Variants in PCM1 observed in about 807,000 individuals in gnomAD.
The protein encoded by PCM1 is pericentriolar material 1 protein.
A neutral mutation model predicts 241.9 loss-of-function variants in PCM1; 157 were observed. The ratio of observed to expected loss-of-function variants is 0.65; its 90% CI spans 0.57 to 0.74. The LOEUF is 0.74. Ranked by LOEUF, PCM1 falls within the 30% of genes least tolerant of loss-of-function variation. PCM1 has a pLI of 0.00. For synonymous variants in PCM1, 1,085 were observed against 784.9 expected (o/e 1.38, Z -6.39); for missense variants, 3,478 against 2,360.1 (o/e 1.47, Z -9.81).
intron 13 of PCM1, among the ~76,000 whole-genome samples, chr8:17,959,332 T>C (rs534360137): frequency 0.034 from 269 of 7,936 alleles, no homozygotes; most frequent in African/African-American, 0.17. Context: ...TATATATATA[T>C]ACACACAGTA....
Position 17,969,687 on chromosome 8 carries a change from G to A in PCM1, c.3523G>A (p.Glu1175Lys), listed in dbSNP as rs765828341. The A allele has an allele frequency of 6.2e-7, 1 of 1,613,066 alleles. No individual in the cohort carries two copies. Among genetic ancestry groups the A allele is most frequent in the Non-Finnish European group, 8.5e-7 (1 of 1,179,306 alleles). Reference protein sequence around the residue: ...PLAQNSSGKTEYMAFPKPFES... With the variant: ...PLAQNSSGKTKYMAFPKPFES... ...AGCCCAGAATTCTTCAGGAAAAACA[G>A]AATATATGGCTTTTCCAAAACCTTT... The change falls in exon 22 of 39, where the codon GAA (glutamate) becomes AAA (lysine). Residue 1175 changes from glutamate to lysine, a missense_variant. Transcript: ENST00000325083.
chr8:18,006,962 G>C (rs1244286981), intron 30 of PCM1, among the ~76,000 whole-genome samples: 2 of 152,162 alleles, frequency 1.3e-5, no homozygotes, highest in African/African-American at 4.8e-5. Context: ...AATGGGTAGA[G>C]ACCAGGAAGA....
intron 1 of PCM1, among the ~76,000 whole-genome samples, chr8:17,924,140 T>G (rs957524310): frequency 6.6e-6 from 1 of 152,122 alleles, no homozygotes; most frequent in African/African-American, 2.4e-5. Flanking sequence ...CTCCGCCTGC[T>G]GGTGTTCTCT....
intron 11 of PCM1, among the ~76,000 whole-genome samples, 177 bp downstream of exon 11, chr8:17,956,954 G>C (rs1055185186): frequency 6.6e-6 from 1 of 152,206 alleles, no homozygotes; most frequent in Non-Finnish European, 1.5e-5. Context: ...GGGAAGTATG[G>C]AGTACAATAG....
intron 23 of PCM1, among the ~76,000 whole-genome samples, chr8:17,975,675 C>G (rs1231017188): frequency 2.0e-5 from 3 of 152,116 alleles, no homozygotes; most frequent in African/African-American, 7.2e-5. Context: ...CTGTCCCATA[C>G]TTACTAGACT....
At chr8:17,951,821 G>A (rs938191682) in intron 8 of PCM1, among the ~76,000 whole-genome samples, 1 of 152,118 alleles carries the variant, frequency 6.6e-6, no homozygotes, top group Non-Finnish European at 1.5e-5. Context: ...TAAAATAATT[G>A]ATGCAAATAT....
chr8:18,006,425 C>A, intron 30 of PCM1, 28 bp downstream of exon 30: 3 of 1,528,132 alleles, frequency 2.0e-6, no homozygotes, highest in South Asian at 1.1e-5. Flanking sequence ...TATGATTTAC[C>A]AATATGTACT....
rs749303240 is a variant in PCM1, at chr8:18,011,717, GATGAAA to G, written c.5406_5411del (p.Asn1803_Glu1804del). The stretch of plus-strand genomic sequence containing the variant: ...TTTAACTAATTATGGAAGTGGAGAA[GATGAAA>G]ATGAGGATGAAGAAATGGAAGAATT... On this transcript the variant is annotated inframe_deletion, in exon 34 of 39. Coordinates refer to ENST00000325083, the MANE Select transcript of PCM1 (RefSeq NM_006197.4). 13 of 1,613,132 alleles carry G rather than the reference GATGAAA, an allele frequency of 8.1e-6. No individual in the cohort carries two copies. Among genetic ancestry groups the G allele is most frequent in the Non-Finnish European group, 1.1e-5 (13 of 1,179,430 alleles).
At chr8:17,986,186 T>C in intron 26 of PCM1, 99 bp downstream of exon 26, 1 of 838,984 alleles carries the variant, frequency 1.2e-6, no homozygotes, top group Middle Eastern at 3.4e-4. Context: ...ACCTAATATA[T>C]TTGATTTTCA....
At chr8:17,948,133 T>G (rs1300777916) in intron 7 of PCM1, among the ~76,000 whole-genome samples, 1 of 152,120 alleles carries the variant, frequency 6.6e-6, no homozygotes, top group African/African-American at 2.4e-5. Context: ...CTTTGAGCGC[T>G]TTGTTTTTGC....
At position 17,960,139 on chromosome 8, in the gene PCM1, A is replaced by T; in HGVS notation, c.2166A>T (p.Lys722Asn). The T allele has an allele frequency of 6.3e-7, 1 of 1,583,546 alleles. No homozygotes were observed. The highest frequency in any genetic ancestry group is 8.6e-7 in the Non-Finnish European group (1 of 1,164,340). Residue 722 changes from lysine to asparagine, a missense_variant, in exon 14 of 39, where the codon AAA becomes AAT. Lys to Asn is a moderately conservative substitution (Grantham distance 94). Transcript: ENST00000325083. ...GAGGAAATGCCAATAAAACACAGAA[A>T]GATACTGGAGTAAATGAAAAGGCAA... Reference protein sequence around the residue: ...NTRGNANKTQKDTGVNEKARE... With the variant: ...NTRGNANKTQNDTGVNEKARE...
rs757687936 is a variant in PCM1 at position 17,966,507 on chromosome 8, A to G, written c.3221+34A>G. ...TTTCTTAGAAGTATTGAGACTGTAT[A>G]AGAGCTAACATTGAGCAGAGGTTTT... On this transcript the variant is annotated intron_variant, in intron 20 of 38. Transcript: ENST00000325083. 1.9e-6 allele frequency: 3 copies of G among 1,595,838 alleles called. No individual in the cohort carries two copies. In the South Asian group the frequency reaches 3.3e-5, roughly 18 times the overall value.
At position 17,991,421 on chromosome 8, in the gene PCM1, G is replaced by C. The variant is rs74615987; in HGVS notation, c.4532-121G>C. On this transcript the variant is annotated intron_variant, in intron 27 of 38. Transcript: ENST00000325083. ...AAGTGCTCAAGTAGTATAGTGTGTAGAACTTGTTAAAGCTAATTTTCCTCC... is the reference window on the plus strand; with the variant it reads ...AAGTGCTCAAGTAGTATAGTGTGTACAACTTGTTAAAGCTAATTTTCCTCC... 4.7e-3 allele frequency: 3,362 copies of C among 721,342 alleles called. 85 individuals are homozygous for C. The African/African-American group carries it at 0.054, about 12-fold the overall frequency. The allele number at this position is 721,342 out of a possible 1,614,324, so 44.7% of individuals were successfully genotyped here. A position where few individuals can be genotyped will look rare whatever the true frequency, so the allele number is the denominator to read the frequency against.
intron 23 of PCM1, among the ~76,000 whole-genome samples, chr8:17,974,985 ACT>A (rs1188029518): frequency 2.0e-5 from 3 of 151,958 alleles, no homozygotes; most frequent in Admixed American, 6.6e-5. Context: ...TGCTATTCAA[ACT>A]CTGAACTGTG....
At chr8:17,982,246 A>C (rs189494569) in intron 24 of PCM1, among the ~76,000 whole-genome samples, 3 of 152,172 alleles carry the variant, frequency 2.0e-5, no homozygotes, top group Admixed American at 2.0e-4. Context: ...TATAATTTTC[A>C]TCTCCTTTTA....
At chr8:17,960,258 C>G in intron 14 of PCM1, 57 bp from the exon 15 acceptor site, 1 of 1,570,100 alleles carries the variant, frequency 6.4e-7, no homozygotes, top group Non-Finnish European at 8.6e-7. Context: ...TATGTTGTGC[C>G]TAATGCTTCA....
At chr8:17,988,866 G>A (rs2083478487) in intron 26 of PCM1, among the ~76,000 whole-genome samples, 1 of 152,000 alleles carries the variant, frequency 6.6e-6, no homozygotes, top group Non-Finnish European at 1.5e-5. Flanking sequence ...TTATGAGAAT[G>A]TAAAATTGCA....
rs1554770348 is a variant in PCM1, at chr8:18,014,110, A to AAC, written c.5584+82_5584+83dup. On this transcript the variant is annotated intron_variant, in intron 35 of 38. Coordinates refer to ENST00000325083, the MANE Select transcript of PCM1 (RefSeq NM_006197.4). ...GCTTTAAAGCTAAAAAAAAAAAAAA[A>AAC]ACACACACAGAAAACACTAAAATTC... The AAC allele has an allele frequency of 1.6e-3, 1,213 of 775,112 alleles. 7 individuals are homozygous for AAC. The highest frequency in any genetic ancestry group is 3.9e-3 in the African/African-American group (214 of 55,276). 48.0% of individuals were successfully genotyped at this position (775,112 alleles called of 1,614,324 possible).
At chr8:17,927,749 A>C (rs4124899) in intron 2 of PCM1, 70,781 of 150,566 alleles carry the variant, frequency 0.47, 18,490 homozygotes, top group Non-Finnish European at 0.61. Flanking sequence ...TGGGGTTTTA[A>C]CATGTTGATC....
Sources: allele counts gnomAD v4.1 joint callset (sites outside exome capture counted in the v4.1 genomes callset), GRCh38; gene constraint gnomAD v4.1.1; transcripts MANE v1.5; gene names NCBI Gene and HGNC (gene_info 2026-07-23, HGNC 2026-07-21).